ZNF564: variants seen among roughly 807,000 people sequenced by gnomAD.
ZNF564 encodes zinc finger protein 564.
A neutral mutation model predicts 10.5 loss-of-function variants in ZNF564; 5 were observed. The ratio of observed to expected loss-of-function variants is 0.48; its 90% CI spans 0.25 to 1.00. The LOEUF is 1.00. ZNF564 is among the 50% of genes least tolerant of loss of function. The pLI is 0.16. For missense variants in ZNF564, 603 were observed against 669.7 expected, an observed-to-expected ratio of 0.90 and a Z score of 1.10; for synonymous variants, 242 against 218.1, an observed-to-expected ratio of 1.11 and a Z score of -0.97.
Position 12,526,689 on chromosome 19 carries a change from T to G in ZNF564, c.1419A>C (p.Gly473=). ...SVRTHERTHT[G]EKPYECKECG... ...ATTCTTTACATTCATAGGGTTTTTC[T>G]CCAGTATGAGTTCTTTCATGTGTTC... is the stretch of plus-strand genomic sequence containing the variant. Residue 473 remains glycine, a synonymous_variant, in exon 4 of 4, where the codon GGA becomes GGC. Coordinates refer to ENST00000339282, the MANE Select transcript of ZNF564 (RefSeq NM_144976.4). 1 of 1,614,190 alleles carries G rather than the reference T, an allele frequency of 6.2e-7. No individual in the cohort carries two copies. Among genetic ancestry groups the G allele is most frequent in the South Asian group, 1.1e-5 (1 of 91,076 alleles).
At chr19:12,539,935 C>G (rs548389592) in intron 1 of ZNF564, among the ~76,000 whole-genome samples, 41 of 150,448 alleles carry the variant, frequency 2.7e-4, no homozygotes, top group African/African-American at 8.6e-4. Flanking sequence ...GAGCCGAGAT[C>G]GCGCCACTGC....
At position 12,527,347 on chromosome 19, in the gene ZNF564, T is replaced by C; in HGVS notation, c.761A>G (p.Lys254Arg). The C allele has an allele frequency of 6.2e-7, 1 of 1,614,162 alleles. No homozygotes were observed. Among genetic ancestry groups the C allele is most frequent in the Non-Finnish European group, 8.5e-7 (1 of 1,180,024 alleles). The change falls in exon 4 of 4, where the codon AAA becomes AGA. Residue 254 changes from lysine to arginine, a missense_variant. By Grantham distance (26) the Lys-to-Arg change is conservative. Transcript: ENST00000339282. Reference protein sequence around the residue: ...MIRHTGDGPYKCQECGKAFDR... With the variant: ...MIRHTGDGPYRCQECGKAFDR... The stretch of plus-strand genomic sequence containing the variant: ...AAAGGCTTTTCCACATTCCTGACAT[T>C]TATAAGGTCCATCTCCAGTGTGCCT...
At position 12,525,408 on chromosome 19, in the gene ZNF564, A is replaced by C. The variant is rs2021663220; in HGVS notation, c.*1038T>G. ...CTATATTTTAATCTGGGGATCTGCC[A>C]TACTGTTTTCAGCAGGCTTATACCA... On this transcript the variant is annotated 3_prime_UTR_variant, in exon 4 of 4. Transcript: ENST00000339282. The C allele has an allele frequency of 2.0e-5, 3 of 152,222 alleles. No individual in the cohort carries two copies. The highest frequency in any genetic ancestry group is 3.2e-3 in the Middle Eastern group (1 of 316). 9.4% of individuals were successfully genotyped at this position (152,222 alleles called of 1,614,324 possible).
At chr19:12,538,395 G>A (rs1393718037) in intron 1 of ZNF564, among the ~76,000 whole-genome samples, 1 of 151,892 alleles carries the variant, frequency 6.6e-6, no homozygotes, top group Non-Finnish European at 1.5e-5. Context: ...GGAGGCCAAG[G>A]TGGGTGGATC....
intron 1 of ZNF564, among the ~76,000 whole-genome samples, chr19:12,537,087 T>G (rs966022689): frequency 1.8e-4 from 27 of 152,210 alleles, no homozygotes; most frequent in African/African-American, 5.5e-4. Context: ...GGTATGTGAC[T>G]GGCTTCATTA....
chr19:12,540,861 A>G (rs189473827), intron 1 of ZNF564, among the ~76,000 whole-genome samples: 7 of 151,344 alleles, frequency 4.6e-5, no homozygotes, highest in Non-Finnish European at 1.0e-4. Flanking sequence ...CTCAAAAAAA[A>G]ATCAGCCAGG....
intron 1 of ZNF564, among the ~76,000 whole-genome samples, chr19:12,537,738 C>CAAAAAAAAAA (rs56173239): frequency 8.7e-6 from 1 of 114,504 alleles, no homozygotes; most frequent in Non-Finnish European, 1.7e-5. Flanking sequence ...AACTCCGTCT[C>CAAAAAAAAAA]AAAAAAAAAA....
intron 1 of ZNF564, among the ~76,000 whole-genome samples, chr19:12,529,295 T>C (rs979502404): frequency 2.0e-5 from 3 of 151,804 alleles, no homozygotes; most frequent in Admixed American, 6.6e-5. Context: ...GAGAAACAAA[T>C]AAAATGCTAT....
chr19:12,548,689 C>G (rs184982075), intron 1 of ZNF564: 1 of 665,392 alleles, frequency 1.5e-6, no homozygotes, highest in Non-Finnish European at 2.7e-6. Context: ...TTATCTATCC[C>G]TTTCAGACAA....
At chr19:12,540,994 G>C (rs905434113) in intron 1 of ZNF564, among the ~76,000 whole-genome samples, 2 of 129,258 alleles carry the variant, frequency 1.5e-5, no homozygotes, top group African/African-American at 3.0e-5. Context: ...CTGGGCAACA[G>C]AGACTCTGTC....
chr19:12,533,851 T>A, intron 1 of ZNF564, among the ~76,000 whole-genome samples: 3 of 119,636 alleles, frequency 2.5e-5, no homozygotes, highest in Admixed American at 8.7e-5. Context: ...GAGAAGTCAA[T>A]GAAATGGCAG....
chr19:12,529,597 C>CT (rs1198701259), intron 1 of ZNF564, among the ~76,000 whole-genome samples: 1 of 110,402 alleles, frequency 9.1e-6, no homozygotes, highest in Non-Finnish European at 2.0e-5. Flanking sequence ...CAGAGAGAGA[C>CT]TAAGTCTCAA....
Position 12,542,069 on chromosome 19 carries a change from C to T in ZNF564, c.3+9261G>A, listed in dbSNP as rs28405347. Among the ~76,000 whole-genome samples, 194 of 146,984 alleles carry T rather than the reference C, an allele frequency of 1.3e-3. 1 individual carries two copies. Among genetic ancestry groups the T allele is most frequent in the Non-Finnish European group, 4.0e-4 (27 of 67,054 alleles). On this transcript the variant is annotated intron_variant, in intron 1 of 3. Coordinates refer to ENST00000339282, the MANE Select transcript of ZNF564 (RefSeq NM_144976.4). ...TTTCTTGGCAGGGCATGGTGGCTCA[C>T]GCCTGTAATCCCAGCACTTTGGGAG...
Position 12,528,285 on chromosome 19 carries a change from T to C in ZNF564, c.191+19A>G. On this transcript the variant is annotated intron_variant, in intron 3 of 3. Coordinates refer to ENST00000339282, the MANE Select transcript of ZNF564 (RefSeq NM_144976.4). ...ATACTAAGAAGGAGACATTGCTTTATCTTGTCAGTGCAAATTACCTTAAAA... is the reference window on the plus strand; with the variant it reads ...ATACTAAGAAGGAGACATTGCTTTACCTTGTCAGTGCAAATTACCTTAAAA... 1.2e-6 allele frequency: 2 copies of C among 1,602,426 alleles called. No homozygotes were observed. Among genetic ancestry groups the C allele is most frequent in the East Asian group, 2.2e-5 (1 of 44,772 alleles).
chr19:12,548,650 A>G, intron 1 of ZNF564: 3 of 593,510 alleles, frequency 5.1e-6, no homozygotes, highest in Non-Finnish European at 9.0e-6. Flanking sequence ...AGACATTTGT[A>G]TTCTATAGCT....
intron 1 of ZNF564, among the ~76,000 whole-genome samples, chr19:12,546,457 A>G (rs1415088693): frequency 6.6e-6 from 1 of 152,156 alleles, no homozygotes; most frequent in Non-Finnish European, 1.5e-5. Flanking sequence ...GGCTGGGTGC[A>G]GTGGCTCACG....
Position 12,526,486 on chromosome 19 carries a change from G to A in ZNF564, c.1622C>T (p.Ser541Leu), listed in dbSNP as rs1392677470. Residue 541 changes from serine (S) to leucine (L), a missense_variant, in exon 4 of 4, where the codon TCA (serine) becomes TTA (leucine). By Grantham distance (145) the Ser-to-Leu change is moderately radical. Transcript: ENST00000339282. ...KPYVKNVGKL[S>L]FITQPSNTCE... Reference sequence around the variant, plus strand: ...GGTATTCGAAGGTTGTGTGATAAATGAAAGCTTTCCCACATTCTTTACGTA... The same window carrying A: ...GGTATTCGAAGGTTGTGTGATAAATAAAAGCTTTCCCACATTCTTTACGTA... The A allele has an allele frequency of 6.2e-6, 10 of 1,606,554 alleles. No individual in the cohort carries two copies. The highest frequency in any genetic ancestry group is 1.7e-5 in the Admixed American group (1 of 58,144).
chr19:12,532,534 C>CAA (rs35579003), intron 1 of ZNF564, among the ~76,000 whole-genome samples: 3,104 of 37,762 alleles, frequency 0.082, 259 homozygotes, highest in African/African-American at 0.2. Flanking sequence ...GACTCCGTCT[C>CAA]AAAAAAAAAA....
At chr19:12,549,036 G>T (rs919337716) in intron 1 of ZNF564, among the ~76,000 whole-genome samples, 2 of 147,122 alleles carry the variant, frequency 1.4e-5, no homozygotes, top group African/African-American at 5.1e-5. Context: ...TCACCCAAAA[G>T]AAGAAAATAG....
Sources: gnomAD v4.1 joint callset for allele counts (sites outside exome capture counted in the v4.1 genomes callset) on GRCh38, gnomAD v4.1.1 for gene constraint, MANE v1.5 for transcripts, NCBI Gene and HGNC (gene_info 2026-07-23, HGNC 2026-07-21) for gene names.